Variants in LLGL2 observed in about 807,000 individuals in gnomAD.
The protein encoded by LLGL2 is LLGL scribble cell polarity complex component 2, also known as LLGL2, scribble cell polarity complex component.
In LLGL2, 81 loss-of-function variants were observed where a neutral mutation model predicts 123.2. The ratio of observed to expected loss-of-function variants is 0.66; its 90% CI spans 0.55 to 0.79. The LOEUF is 0.79. Ranked by LOEUF, LLGL2 falls within the 30% of genes least tolerant of loss-of-function variation. The pLI, the probability that LLGL2 is intolerant of heterozygous loss-of-function variation, is 0.00. For synonymous variants in LLGL2, 577 were observed against 594.1 expected (o/e 0.97, Z 0.42); for missense variants, 1,273 against 1,414.6 (o/e 0.90, Z 1.61).
intron 1 of LLGL2, among the ~76,000 whole-genome samples, chr17:75,531,316 C>T (rs2053778340): frequency 6.6e-6 from 1 of 152,220 alleles, no homozygotes; most frequent in Admixed American, 6.5e-5. Context: ...TGGCAAGAGC[C>T]TCCAGGAGCC....
rs372160474 is a variant in LLGL2, at chr17:75,559,280, G to A, written c.400G>A (p.Val134Met). 114 of 1,611,852 alleles carry A rather than the reference G, an allele frequency of 7.1e-5. No individual in the cohort carries two copies. Among genetic ancestry groups the A allele is most frequent in the Non-Finnish European group, 9.0e-5 (106 of 1,179,326 alleles). The part of the protein sequence containing the change: ...GAAPSATQIT[V>M]VLPHSSCELL... ...TGCCCCCAGTGCCACACAGATCACC[G>A]TGGTCCTGCCACATTCCTCCTGCGA... Residue 134 changes from valine (V) to methionine (M), a missense_variant, in exon 6 of 26, where the codon GTG becomes ATG. Coordinates refer to ENST00000392550, the MANE Select transcript of LLGL2 (RefSeq NM_001031803.2). The surrounding 1 kb of genome is among the most constrained non-coding windows in gnomAD (Gnocchi z 4.6).
At position 75,544,531 on chromosome 17, in the gene LLGL2, A is replaced by G. The variant is rs1187191048; in HGVS notation, c.75+1030A>G. Among the ~76,000 whole-genome samples the G allele has an allele frequency of 3.9e-5, 6 of 152,252 alleles. No homozygotes were observed. Among genetic ancestry groups the G allele is most frequent in the Admixed American group, 2.6e-4 (4 of 15,284 alleles). ...CCAGGTGCAAACCCAACTTTGCCACATAGAAGCTGGATGGCCGTGTGCCTG... is the reference window on the plus strand; with the variant it reads ...CCAGGTGCAAACCCAACTTTGCCACGTAGAAGCTGGATGGCCGTGTGCCTG... On this transcript the variant is annotated intron_variant, in intron 2 of 25. Transcript: ENST00000392550. The surrounding 1 kb of genome is among the most constrained non-coding windows in gnomAD (Gnocchi z 4.2).
At chr17:75,557,289 G>A (rs919471159) in intron 3 of LLGL2, among the ~76,000 whole-genome samples, 1 of 152,116 alleles carries the variant, frequency 6.6e-6, no homozygotes, top group East Asian at 1.9e-4. Flanking sequence ...AGCAGGGCTC[G>A]GCAGCTGTCT....
At chr17:75,543,332 T>G (rs928863416) in intron 1 of LLGL2, 65 bp from the exon 2 acceptor site, 64 of 1,137,624 alleles carry the variant, frequency 5.6e-5, no homozygotes, top group Non-Finnish European at 7.5e-5. Flanking sequence ...TCCACCTGTT[T>G]GGGCCGGGCC....
At chr17:75,557,907 A>G (rs1192182734) in intron 3 of LLGL2, 4 of 545,720 alleles carry the variant, frequency 7.3e-6, no homozygotes, top group East Asian at 6.6e-5. Context: ...TCGCCTTTCT[A>G]TGGAGTTGCT....
At position 75,544,946 on chromosome 17, in the gene LLGL2, C is replaced by T. The variant is rs1315134665; in HGVS notation, c.75+1445C>T. Among the ~76,000 whole-genome samples the T allele has an allele frequency of 1.3e-5, 2 of 152,224 alleles. No homozygotes were observed. Among genetic ancestry groups the T allele is most frequent in the African/African-American group, 4.8e-5 (2 of 41,520 alleles). On this transcript the variant is annotated intron_variant, in intron 2 of 25. Transcript: ENST00000392550. This position sits in a 1 kb window ranked among gnomAD's most constrained non-coding sequence, Gnocchi z 4.2. ...ATGGGAGATCTCAGGACACCTACAG[C>T]CTGCTACCCTTGCTCTGGAGGGAGT...
intron 3 of LLGL2, among the ~76,000 whole-genome samples, chr17:75,556,906 G>A (rs1456107461): frequency 1.3e-5 from 2 of 152,152 alleles, no homozygotes; most frequent in East Asian, 3.8e-4. Context: ...GCACATGCCT[G>A]TAATCCCAGC....
At chr17:75,566,340 C>T (rs1661722) in intron 10 of LLGL2, among the ~76,000 whole-genome samples, 52,841 of 152,090 alleles carry the variant, frequency 0.35, 10,362 homozygotes, top group African/African-American at 0.55. Context: ...GTGGGGGACA[C>T]GGAGTGGAGC....
chr17:75,543,576 T>G, intron 2 of LLGL2, 75 bp downstream of exon 2: 2 of 1,196,468 alleles, frequency 1.7e-6, no homozygotes, highest in Non-Finnish European at 2.4e-6. Context: ...GAGGCACCTC[T>G]TACCTGGATT....
intron 21 of LLGL2, 107 bp downstream of exon 21, chr17:75,573,738 C>A: frequency 7.7e-7 from 1 of 1,296,340 alleles, no homozygotes; most frequent in Non-Finnish European, 1.1e-6. Context: ...TCCCCACGAG[C>A]TCAGCCCACC....
At chr17:75,573,737 G>GCTCAGCCCACC in intron 21 of LLGL2, 106 bp downstream of exon 21, 1 of 1,231,134 alleles carries the variant, frequency 8.1e-7, no homozygotes, top group South Asian at 1.4e-5. Context: ...CTCCCCACGA[G>GCTCAGCCCACC]CTCAGCCCAC....
At position 75,559,236 on chromosome 17, in the gene LLGL2, G is replaced by A. The variant is rs768245673; in HGVS notation, c.372-16G>A. Reference sequence around the variant, plus strand: ...CTGGGCAGTGGTCGGCTCACGGGCAGCTGTTCTTGTCACAGGGCTGCCCCC... The same window carrying A: ...CTGGGCAGTGGTCGGCTCACGGGCAACTGTTCTTGTCACAGGGCTGCCCCC... On this transcript the variant is annotated splice_polypyrimidine_tract_variant and intron_variant, in intron 5 of 25. Coordinates refer to ENST00000392550, the MANE Select transcript of LLGL2 (RefSeq NM_001031803.2). This position sits in a 1 kb window ranked among gnomAD's most constrained non-coding sequence, Gnocchi z 4.6. 4 of 1,581,616 alleles carry A rather than the reference G, an allele frequency of 2.5e-6. No individual in the cohort carries two copies. In the East Asian group the frequency reaches 9.0e-5, roughly 36 times the overall value.
At position 75,574,509 on chromosome 17, in the gene LLGL2, C is replaced by T. The variant is rs1239608237; in HGVS notation, c.2996+14C>T. 4 of 1,567,304 alleles carry T rather than the reference C, an allele frequency of 2.6e-6. No individual in the cohort carries two copies. The highest frequency in any genetic ancestry group is 3.5e-6 in the Non-Finnish European group (4 of 1,157,324). On this transcript the variant is annotated intron_variant, in intron 24 of 25. Coordinates refer to ENST00000392550, the MANE Select transcript of LLGL2 (RefSeq NM_001031803.2). ...GGGAGACCGCGGGTGAGGCACCGCC[C>T]AGGCCAGCTGGGGTGGGCCCGAGGC...
chr17:75,537,568 GA>G (rs1366433595), intron 1 of LLGL2, among the ~76,000 whole-genome samples: 3 of 152,186 alleles, frequency 2.0e-5, no homozygotes, highest in African/African-American at 7.2e-5. Context: ...CATGGTGGTG[GA>G]CACCTGTAAT....
Position 75,570,363 on chromosome 17 carries a change from C to T in LLGL2, c.1890C>T (p.Pro630=), listed in dbSNP as rs1252798529. 1 of 1,612,060 alleles carries T rather than the reference C, an allele frequency of 6.2e-7. No individual in the cohort carries two copies. The change falls in exon 16 of 26, where the codon CCC becomes CCT. Residue 630 remains proline (P), a synonymous_variant. Coordinates refer to ENST00000392550, the MANE Select transcript of LLGL2 (RefSeq NM_001031803.2). ...TCCCCCCAAGGTGCACACTGCACCC[C>T]AGTGACCAGCTGGCCTTGGAGGGCC... ...RQVFVKCTLH[P]SDQLALEGPL... is the part of the protein sequence containing the mutation.
chr17:75,552,495 T>G (rs994082683), intron 2 of LLGL2, among the ~76,000 whole-genome samples: 2 of 152,308 alleles, frequency 1.3e-5, no homozygotes, highest in East Asian at 3.9e-4. Flanking sequence ...AAAAAAAAAT[T>G]ATATATTCCT....
chr17:75,563,592 G>A, intron 8 of LLGL2, 129 bp downstream of exon 8: 1 of 1,497,526 alleles, frequency 6.7e-7, no homozygotes, highest in Non-Finnish European at 9.2e-7. Flanking sequence ...ACACAGCAGG[G>A]TTCGCCTCAC....
At chr17:75,542,140 G>A (rs1318181150) in intron 1 of LLGL2, among the ~76,000 whole-genome samples, 1 of 152,010 alleles carries the variant, frequency 6.6e-6, no homozygotes, top group Non-Finnish European at 1.5e-5. Flanking sequence ...ACGCTGCCCA[G>A]ATTACATGGG....
Position 75,559,479 on chromosome 17 carries a change from C to G in LLGL2, c.530+69C>G. 6.6e-7 allele frequency: 1 copy of G among 1,516,218 alleles called. No homozygotes were observed. The highest frequency in any genetic ancestry group is 8.8e-7 in the Non-Finnish European group (1 of 1,131,436). The allele number at this position is 1,516,218 out of a possible 1,614,324, so 93.9% of individuals were successfully genotyped here. ...TAGGCATGGCTTCTCCCCTTGGTCC[C>G]AGGACTCTGTCAGGAGCTGTCATTT... On this transcript the variant is annotated intron_variant, in intron 6 of 25. Transcript: ENST00000392550. The surrounding 1 kb of genome is among the most constrained non-coding windows in gnomAD (Gnocchi z 4.6).
Sources: gnomAD v4.1 joint callset for allele counts (sites outside exome capture counted in the v4.1 genomes callset) on GRCh38, gnomAD v4.1.1 for gene constraint, Gnocchi (gnomAD v3.1) non-coding constraint, MANE v1.5 for transcripts, NCBI Gene and HGNC (gene_info 2026-07-23, HGNC 2026-07-21) for gene names.